Variants in JAKMIP2 observed in about 807,000 individuals in gnomAD.
JAKMIP2 encodes janus kinase and microtubule-interacting protein 2.
JAKMIP2 carries 25 observed loss-of-function variants against 115.0 expected under a neutral mutation model. The ratio of observed to expected loss-of-function variants is 0.22; its 90% CI spans 0.16 to 0.30. The LOEUF is 0.30. JAKMIP2 is among the 10% of genes least tolerant of loss of function. JAKMIP2 has a pLI of 1.00. For synonymous variants in JAKMIP2, 334 were observed against 343.6 expected, an observed-to-expected ratio of 0.97 and a Z score of 0.31; for missense variants, 642 against 957.6, an observed-to-expected ratio of 0.67 and a Z score of 4.35.
chr5:147,667,071 T>C (rs1490139450), intron 2 of JAKMIP2, among the ~76,000 whole-genome samples: 2 of 152,140 alleles, frequency 1.3e-5, no homozygotes, highest in African/African-American at 4.8e-5. Context: ...TGTTCAAAGA[T>C]AAAGCTGAGT....
At chr5:147,713,354 A>C (rs1752853488) in intron 1 of JAKMIP2, among the ~76,000 whole-genome samples, 1 of 152,178 alleles carries the variant, frequency 6.6e-6, no homozygotes, top group African/African-American at 2.4e-5. Flanking sequence ...ATTAGAAAAA[A>C]CAATAAAAGC....
chr5:147,608,869 G>A (rs1756162872), intron 20 of JAKMIP2, among the ~76,000 whole-genome samples: 1 of 152,152 alleles, frequency 6.6e-6, no homozygotes, highest in Non-Finnish European at 1.5e-5. Flanking sequence ...TATATTGGAT[G>A]CATATATATT....
intron 21 of JAKMIP2, among the ~76,000 whole-genome samples, chr5:147,598,377 C>G (rs1484862278): frequency 6.6e-6 from 1 of 152,084 alleles, no homozygotes; most frequent in Non-Finnish European, 1.5e-5. Flanking sequence ...ACTTCTCCAC[C>G]CCCATAACCA....
chr5:147,647,502 A>C (rs1264873075), intron 5 of JAKMIP2, among the ~76,000 whole-genome samples: 1 of 152,156 alleles, frequency 6.6e-6, no homozygotes, highest in Non-Finnish European at 1.5e-5. Flanking sequence ...TGAAACAGTA[A>C]AGGCAGCATA....
intron 10 of JAKMIP2, among the ~76,000 whole-genome samples, chr5:147,637,905 A>AT (rs894510664): frequency 1.3e-5 from 2 of 151,978 alleles, no homozygotes; most frequent in African/African-American, 2.4e-5. Context: ...CTGTAAACCC[A>AT]TTTTTTTGTT....
chr5:147,741,470 G>A (rs1246389594), intron 1 of JAKMIP2, among the ~76,000 whole-genome samples: 2 of 151,752 alleles, frequency 1.3e-5, no homozygotes, highest in African/African-American at 2.4e-5. Context: ...TATATAAGAA[G>A]GTAAAAGGTA....
intron 21 of JAKMIP2, among the ~76,000 whole-genome samples, chr5:147,597,485 G>A (rs921288379): frequency 1.3e-5 from 2 of 152,044 alleles, no homozygotes; most frequent in Non-Finnish European, 2.9e-5. Flanking sequence ...TTTGTCCAGT[G>A]GGGGACAGTA....
At chr5:147,596,300 T>A (rs1003127468) in intron 21 of JAKMIP2, among the ~76,000 whole-genome samples, 2 of 152,154 alleles carry the variant, frequency 1.3e-5, no homozygotes, top group African/African-American at 4.8e-5. Context: ...AGGTTTGCCT[T>A]TCTAAAACTC....
intron 12 of JAKMIP2, 147 bp downstream of exon 12, chr5:147,636,075 G>C (rs1034294412): frequency 4.8e-6 from 3 of 629,396 alleles, no homozygotes; most frequent in Non-Finnish European, 8.4e-6. Context: ...ACAGGGATGC[G>C]GTTGAGCACG....
At chr5:147,715,917 A>G (rs113162235) in intron 1 of JAKMIP2, among the ~76,000 whole-genome samples, 1 of 146,424 alleles carries the variant, frequency 6.8e-6, no homozygotes, top group Non-Finnish European at 1.5e-5. Flanking sequence ...ATATGTATAC[A>G]TGTGCCATGC....
chr5:147,648,069 T>A (rs1758212032), intron 5 of JAKMIP2, among the ~76,000 whole-genome samples: 1 of 152,184 alleles, frequency 6.6e-6, no homozygotes, highest in Non-Finnish European at 1.5e-5. Context: ...ATTGTATGAT[T>A]TCATTTACAA....
rs751577327 is a variant in JAKMIP2 at position 147,629,759 on chromosome 5, G to T, written c.1876-13C>A. 6.2e-7 allele frequency: 1 copy of T among 1,609,536 alleles called. No individual in the cohort carries two copies. On this transcript the variant is annotated splice_polypyrimidine_tract_variant and intron_variant, in intron 14 of 21. Coordinates refer to ENST00000616793, the MANE Select transcript of JAKMIP2 (RefSeq NM_001270941.2). Reference sequence around the variant, plus strand: ...GGATGTTCACATCCTGCAAAATCAAGCAGAAACTCATGTCAAAGACAAATG... The same window carrying T: ...GGATGTTCACATCCTGCAAAATCAATCAGAAACTCATGTCAAAGACAAATG...
At chr5:147,660,644 CCTTTCCATATATATGGTCCTTGGAGATA>C (rs549313533) in intron 3 of JAKMIP2, 41 of 378,484 alleles carry the variant, frequency 1.1e-4, no homozygotes, top group African/African-American at 7.6e-4. Context: ...AAACAGGAGT[CCTTTCCATATATATGGTCCTTGGAGATA>C]CTTTCCATAT....
intron 1 of JAKMIP2, among the ~76,000 whole-genome samples, chr5:147,686,592 G>A (rs1345806114): frequency 2.6e-5 from 4 of 152,088 alleles, no homozygotes; most frequent in Non-Finnish European, 5.9e-5. Context: ...TTTGCTGAAG[G>A]GGTACCTGAA....
chr5:147,699,958 G>T (rs73797157), intron 1 of JAKMIP2, among the ~76,000 whole-genome samples: 4,095 of 152,306 alleles, frequency 0.027, 199 homozygotes, highest in African/African-American at 0.095. Flanking sequence ...CCTTCATGGT[G>T]GTGTGTGACC....
At chr5:147,628,659 T>C (rs1757220407) in intron 16 of JAKMIP2, 92 bp downstream of exon 16, 14 of 892,914 alleles carry the variant, frequency 1.6e-5, no homozygotes, top group African/African-American at 3.3e-5. Context: ...CACACAGTCA[T>C]GTGCAGAGGG....
At chr5:147,759,667 A>G (rs1264036276) in intron 1 of JAKMIP2, among the ~76,000 whole-genome samples, 1 of 152,180 alleles carries the variant, frequency 6.6e-6, no homozygotes, top group East Asian at 1.9e-4. Flanking sequence ...CTGCAATTTG[A>G]ATGACAAGAA....
At chr5:147,618,333 T>C (rs565655664) in intron 18 of JAKMIP2, among the ~76,000 whole-genome samples, 5 of 152,070 alleles carry the variant, frequency 3.3e-5, no homozygotes, top group African/African-American at 1.2e-4. Context: ...TGAACTTCTC[T>C]AGTGAGGGAA....
intron 5 of JAKMIP2, among the ~76,000 whole-genome samples, chr5:147,646,511 C>T (rs1758134851): frequency 1.3e-5 from 2 of 152,156 alleles, no homozygotes; most frequent in South Asian, 4.1e-4. Context: ...AATTCTATCA[C>T]ATCATACATC....
Sources: gnomAD v4.1 joint callset for allele counts (sites outside exome capture counted in the v4.1 genomes callset) on GRCh38, gnomAD v4.1.1 for gene constraint, MANE v1.5 for transcripts, NCBI Gene and HGNC (gene_info 2026-07-23, HGNC 2026-07-21) for gene names.